Variants in PRKG1 observed in about 807,000 individuals in gnomAD.
PRKG1 encodes cGMP-dependent protein kinase 1.
PRKG1 carries 35 observed loss-of-function variants against 88.1 expected under a neutral mutation model. That is an observed-to-expected ratio of 0.40 (90% CI 0.30 to 0.53). The LOEUF is 0.53. PRKG1 is among the 20% of genes least tolerant of loss of function. PRKG1 has a pLI of 0.59. For synonymous variants in PRKG1, 303 were observed against 292.5 expected (o/e 1.04, Z -0.37); for missense variants, 540 against 839.8 (o/e 0.64, Z 4.41).
At chr10:52,185,975 AG>A (rs1258220071) in intron 9 of PRKG1, among the ~76,000 whole-genome samples, 2 of 152,050 alleles carry the variant, frequency 1.3e-5, no homozygotes, top group East Asian at 3.9e-4. Flanking sequence ...CTGTGATGGG[AG>A]GGGCTGTCCC....
At chr10:51,259,318 T>C (rs562892964) in intron 2 of PRKG1, among the ~76,000 whole-genome samples, 159 of 152,344 alleles carry the variant, frequency 1.0e-3, no homozygotes, top group Non-Finnish European at 2.5e-4. Flanking sequence ...GATGTATTTT[T>C]TCTTGAAAAA....
At chr10:51,522,927 A>G (rs891781426) in intron 3 of PRKG1, among the ~76,000 whole-genome samples, 1 of 152,212 alleles carries the variant, frequency 6.6e-6, no homozygotes, top group Non-Finnish European at 1.5e-5. Context: ...AAGGGAGACA[A>G]CAAATTACTT....
intron 3 of PRKG1, among the ~76,000 whole-genome samples, chr10:51,583,011 T>C (rs547699831): frequency 1.1e-4 from 17 of 152,286 alleles, no homozygotes; most frequent in African/African-American, 3.6e-4. Flanking sequence ...GCAAGACTTA[T>C]GTTTGTTGGA....
chr10:51,104,155 T>C (rs1207577717), intron 1 of PRKG1, among the ~76,000 whole-genome samples: 1 of 152,020 alleles, frequency 6.6e-6, no homozygotes, highest in Non-Finnish European at 1.5e-5. Flanking sequence ...AGCAAGTAAA[T>C]AGATAATTCC....
At chr10:51,710,493 A>G (rs1246649776) in intron 3 of PRKG1, among the ~76,000 whole-genome samples, 1 of 152,180 alleles carries the variant, frequency 6.6e-6, no homozygotes, top group Non-Finnish European at 1.5e-5. Context: ...ACAGCTCCTC[A>G]CACACCCCTT....
chr10:52,117,963 T>A (rs2132604640), intron 7 of PRKG1, among the ~76,000 whole-genome samples: 1 of 152,048 alleles, frequency 6.6e-6, no homozygotes. Context: ...AAAAAATGTA[T>A]TTTAATCAAT....
chr10:51,951,183 C>T lies in PRKG1; in HGVS notation c.762+43613C>T, dbSNP rs778579567. ...TCAGCCTTCAGGCTGTTTTTTTTGG[C>T]TTGAAGGTGTGGTTTCACCAGAGAC... On this transcript the variant is annotated intron_variant, in intron 5 of 17. Transcript: ENST00000373980. Among the ~76,000 whole-genome samples, 4 of 152,070 alleles carry T rather than the reference C, an allele frequency of 2.6e-5. No homozygotes were observed. In the East Asian group the frequency reaches 7.7e-4, roughly 29 times the overall value.
intron 4 of PRKG1, among the ~76,000 whole-genome samples, chr10:51,807,688 T>C (rs1839342310): frequency 6.6e-6 from 1 of 152,196 alleles, no homozygotes; most frequent in Admixed American, 6.5e-5. Flanking sequence ...CATTTCTTCC[T>C]TCCAGGTATG....
intron 2 of PRKG1, among the ~76,000 whole-genome samples, chr10:51,222,020 G>A (rs1287406691): frequency 6.6e-6 from 1 of 151,578 alleles, no homozygotes; most frequent in African/African-American, 2.4e-5. Flanking sequence ...GATTACAGGT[G>A]CCCACCACCA....
rs901030196 is a variant in PRKG1, at chr10:51,789,830, C to CT, written c.593-14745dup. On this transcript the variant is annotated intron_variant, in intron 3 of 17. Coordinates refer to ENST00000373980, the MANE Select transcript of PRKG1 (RefSeq NM_006258.4). ...ATTAACACAATATCAGTCATTCTCTCTTTTTTTTTTAGATGGAGTCTTGCT... is the reference window on the plus strand; with the variant it reads ...ATTAACACAATATCAGTCATTCTCTCTTTTTTTTTTTAGATGGAGTCTTGCT... Among the ~76,000 whole-genome samples the CT allele has an allele frequency of 9.4e-5, 14 of 148,598 alleles. No individual in the cohort carries two copies. The East Asian group carries it at 9.8e-4, about 10-fold the overall frequency.
At chr10:51,696,341 T>C (rs955409242) in intron 3 of PRKG1, 3 of 152,052 alleles carry the variant, frequency 2.0e-5, no homozygotes, top group Admixed American at 2.0e-4. Flanking sequence ...CTGAGAGTTT[T>C]ACTTAGTGAA....
At chr10:51,152,415 G>C (rs537405243) in intron 1 of PRKG1, among the ~76,000 whole-genome samples, 1 of 152,132 alleles carries the variant, frequency 6.6e-6, no homozygotes, top group African/African-American at 2.4e-5. Flanking sequence ...AAGAACTGTT[G>C]CATTTCTACC....
chr10:52,044,106 A>T (rs951022014), intron 5 of PRKG1, among the ~76,000 whole-genome samples: 1 of 152,128 alleles, frequency 6.6e-6, no homozygotes, highest in African/African-American at 2.4e-5. Flanking sequence ...CACCAAAGAC[A>T]CAAAGAACTC....
intron 2 of PRKG1, among the ~76,000 whole-genome samples, chr10:51,419,861 T>C (rs1485613280): frequency 6.6e-6 from 1 of 151,672 alleles, no homozygotes; most frequent in Non-Finnish European, 1.5e-5. Context: ...ACAAGATTTG[T>C]CTAGTGTAGC....
chr10:51,911,691 C>T (rs1393121653), intron 5 of PRKG1, among the ~76,000 whole-genome samples: 1 of 152,156 alleles, frequency 6.6e-6, no homozygotes, highest in Admixed American at 6.5e-5. Flanking sequence ...GTTGAATAAA[C>T]AGGCACAATG....
intron 3 of PRKG1, among the ~76,000 whole-genome samples, chr10:51,724,987 G>A (rs1478330241): frequency 6.6e-6 from 1 of 150,920 alleles, no homozygotes; most frequent in Non-Finnish European, 1.5e-5. Context: ...TGGGATTGCA[G>A]GCGTGAGCCA....
intron 3 of PRKG1, among the ~76,000 whole-genome samples, chr10:51,486,583 C>T (rs1840546061): frequency 6.6e-6 from 1 of 152,060 alleles, no homozygotes; most frequent in African/African-American, 2.4e-5. Flanking sequence ...GTGAATAGCC[C>T]TCCACCTATT....
At chr10:51,170,259 A>C (rs1453049461) in intron 2 of PRKG1, among the ~76,000 whole-genome samples, 1 of 152,128 alleles carries the variant, frequency 6.6e-6, no homozygotes, top group South Asian at 2.1e-4. Flanking sequence ...AGGAAAATAC[A>C]TAACTTAAAA....
intron 2 of PRKG1, among the ~76,000 whole-genome samples, chr10:51,184,141 A>C (rs1488753388): frequency 6.6e-6 from 1 of 152,210 alleles, no homozygotes; most frequent in African/African-American, 2.4e-5. Flanking sequence ...CTCATATGAC[A>C]TCTTTACTTC....
Sources: allele counts gnomAD v4.1 joint callset (sites outside exome capture counted in the v4.1 genomes callset), GRCh38; gene constraint gnomAD v4.1.1; transcripts MANE v1.5; gene names NCBI Gene and HGNC (gene_info 2026-07-23, HGNC 2026-07-21).